PARK7: variants seen among roughly 807,000 people sequenced by gnomAD.
PARK7 encodes the protein Parkinson disease protein 7.
PARK7 carries 14 observed loss-of-function variants against 20.5 expected under a neutral mutation model. The observed-to-expected ratio is 0.68, with a 90% CI of 0.45 to 1.07. The LOEUF (loss-of-function observed/expected upper bound fraction) is 1.07, where lower values mean the gene tolerates loss of function less well. Ranked by LOEUF, PARK7 falls within the 50% of genes least tolerant of loss-of-function variation. The probability of loss-of-function intolerance (pLI) is 0.00; values close to 1 mark genes in which losing one functional copy is unlikely to be tolerated. For synonymous variants in PARK7, 98 were observed against 84.3 expected (o/e 1.16, Z -0.89); for missense variants, 234 against 238.1 (o/e 0.98, Z 0.11).
At chr1:7,977,195 G>A (rs1640602369) in intron 5 of PARK7, among the ~76,000 whole-genome samples, 1 of 152,138 alleles carries the variant, frequency 6.6e-6, no homozygotes, top group South Asian at 2.1e-4. Flanking sequence ...TGGTATATGT[G>A]GTCCCTGTTC....
At chr1:7,981,085 C>A (rs1640700142) in intron 6 of PARK7, among the ~76,000 whole-genome samples, 1 of 152,024 alleles carries the variant, frequency 6.6e-6, no homozygotes, top group Non-Finnish European at 1.5e-5. Context: ...CTCATTTGTC[C>A]ACTGTTTGAT....
intron 5 of PARK7, among the ~76,000 whole-genome samples, chr1:7,974,134 A>C (rs1440981852): frequency 9.3e-4 from 120 of 128,974 alleles, no homozygotes; most frequent in Middle Eastern, 4.1e-3. Context: ...ACATAGTGAG[A>C]CCCCCCCACC....
intron 6 of PARK7, among the ~76,000 whole-genome samples, chr1:7,978,839 CCTATCAAA>C (rs1640643550): frequency 8.4e-6 from 1 of 118,646 alleles, no homozygotes. Context: ...AAAGCAAGAC[CCTATCAAA>C]AAAAAAAAAA....
In PARK7 at chr1:7,984,837, C is replaced by T. The variant is rs768071553; in HGVS notation, c.410-57C>T. Reference sequence around the variant, plus strand: ...ATAGTGAATTTAATTGGTAAGTAATCGTCTTTCTCGTCACATAGCCCATTA... The same window carrying T: ...ATAGTGAATTTAATTGGTAAGTAATTGTCTTTCTCGTCACATAGCCCATTA... On this transcript the variant is annotated intron_variant, in intron 6 of 6. Transcript: ENST00000338639. This position sits in a 1 kb window ranked among gnomAD's most constrained non-coding sequence, Gnocchi z 4.3. 1.2e-5 allele frequency: 19 copies of T among 1,590,626 alleles called. 1 individual carries two copies. Among genetic ancestry groups the T allele is most frequent in the South Asian group, 1.1e-4 (10 of 90,326 alleles).
chr1:7,969,074 G>A (rs1489953156), intron 3 of PARK7: 3 of 390,280 alleles, frequency 7.7e-6, no homozygotes, highest in African/African-American at 6.1e-5. Flanking sequence ...ATATATCCTT[G>A]TCTTTTACAG....
chr1:7,970,875 T>C lies in PARK7; in HGVS notation c.253-19T>C. ...GGCTTAATGATAACTTTATGTATTT[T>C]TGGTTTTCTTTTCACTAGTCTGCTG... is the stretch of plus-strand genomic sequence containing the variant. On this transcript the variant is annotated intron_variant, in intron 4 of 6. Coordinates refer to ENST00000338639, the MANE Select transcript of PARK7 (RefSeq NM_007262.5). 1.2e-6 allele frequency: 2 copies of C among 1,613,920 alleles called. No homozygotes were observed. Among genetic ancestry groups the C allele is most frequent in the Non-Finnish European group, 1.7e-6 (2 of 1,179,796 alleles).
intron 5 of PARK7, among the ~76,000 whole-genome samples, chr1:7,974,238 CT>C (rs1640526879): frequency 6.6e-6 from 1 of 151,198 alleles, no homozygotes; most frequent in Non-Finnish European, 1.5e-5. Context: ...GGGAGGATCA[CT>C]TTGAGCCCAG....
intron 4 of PARK7, among the ~76,000 whole-genome samples, chr1:7,969,708 T>C (rs939558912): frequency 6.6e-6 from 1 of 151,998 alleles, no homozygotes; most frequent in Non-Finnish European, 1.5e-5. Flanking sequence ...AGCCTCTGAG[T>C]AGCTGGGATT....
intron 3 of PARK7, among the ~76,000 whole-genome samples, 168 bp downstream of exon 3, chr1:7,965,593 G>C (rs541412618): frequency 6.6e-6 from 1 of 152,316 alleles, no homozygotes; most frequent in Non-Finnish European, 1.5e-5. Context: ...TGTATCTGTA[G>C]AATGTGGCAA....
At chr1:7,980,464 C>T (rs544560860) in intron 6 of PARK7, among the ~76,000 whole-genome samples, 21 of 152,208 alleles carry the variant, frequency 1.4e-4, no homozygotes, top group African/African-American at 4.3e-4. Context: ...TTACAAAGCA[C>T]GTTCCCGTAC....
In PARK7 at chr1:7,984,806, G is replaced by A; in HGVS notation, c.410-88G>A. ...GTTAGCTACAGTGTTGGGTTTATAT[G>A]CTGTAATAGTGAATTTAATTGGTAA... On this transcript the variant is annotated intron_variant, in intron 6 of 6. Coordinates refer to ENST00000338639, the MANE Select transcript of PARK7 (RefSeq NM_007262.5). This position sits in a 1 kb window ranked among gnomAD's most constrained non-coding sequence, Gnocchi z 4.3. 9 of 1,494,046 alleles carry A rather than the reference G, an allele frequency of 6.0e-6. No individual in the cohort carries two copies. Among genetic ancestry groups the A allele is most frequent in the Non-Finnish European group, 8.4e-6 (9 of 1,076,538 alleles). 92.5% of individuals were successfully genotyped at this position (1,494,046 alleles called of 1,614,324 possible). A position where few individuals can be genotyped will look rare whatever the true frequency, so the allele number is the denominator to read the frequency against.
In PARK7 at chr1:7,967,048, A is replaced by G. The variant is rs141015228; in HGVS notation, c.192+1623A>G. On this transcript the variant is annotated intron_variant, in intron 3 of 6. Transcript: ENST00000338639. ...AGCTATAATTTTGTATCTTTTAACAAATCTCTCCCTATCCCCACTTTCTCC... is the reference window on the plus strand; with the variant it reads ...AGCTATAATTTTGTATCTTTTAACAGATCTCTCCCTATCCCCACTTTCTCC... Among the ~76,000 whole-genome samples the G allele has an allele frequency of 2.1e-3, 314 of 152,248 alleles. 3 individuals are homozygous for G. The highest frequency in any genetic ancestry group is 6.9e-3 in the African/African-American group (288 of 41,530).
At chr1:7,982,650 C>T (rs1450545340) in intron 6 of PARK7, among the ~76,000 whole-genome samples, 1 of 152,198 alleles carries the variant, frequency 6.6e-6, no homozygotes, top group Non-Finnish European at 1.5e-5. Context: ...CGCGTTGTCC[C>T]ACTCTCAGCT....
intron 5 of PARK7, among the ~76,000 whole-genome samples, chr1:7,976,819 C>A (rs1640592915): frequency 6.6e-6 from 1 of 152,208 alleles, no homozygotes; most frequent in Admixed American, 6.5e-5. Flanking sequence ...CTCCCGGGTT[C>A]ACCCCATTCT....
intron 3 of PARK7, among the ~76,000 whole-genome samples, chr1:7,967,626 A>G (rs1307073616): frequency 6.6e-6 from 1 of 152,188 alleles, no homozygotes; most frequent in African/African-American, 2.4e-5. Flanking sequence ...ATGGTCTTAA[A>G]AGTGATTCTA....
rs751547694 is a variant in PARK7 at position 7,977,755 on chromosome 1, TTTTGTTTG to T, written c.409+29_409+36del. On this transcript the variant is annotated intron_variant, in intron 6 of 6. Transcript: ENST00000338639. ...TGAATGGAGGTAAGTATATGCTTGT[TTTTGTTTG>T]TTTGTTTGTTTTTTGAGATGGAGTC... The T allele has an allele frequency of 6.2e-7, 1 of 1,608,132 alleles. No homozygotes were observed. The highest frequency in any genetic ancestry group is 1.7e-4 in the Middle Eastern group (1 of 6,046).
Position 7,984,876 on chromosome 1 carries a change from T to C in PARK7, c.410-18T>C, listed in dbSNP as rs777894956. On this transcript the variant is annotated intron_variant, in intron 6 of 6. Coordinates refer to ENST00000338639, the MANE Select transcript of PARK7 (RefSeq NM_007262.5). This position sits in a 1 kb window ranked among gnomAD's most constrained non-coding sequence, Gnocchi z 4.3. ...CATAGCCCATTAGGATGTCACCTTT[T>C]CTGTTTCTACTTTGCAGGTCATTAC... is the stretch of plus-strand genomic sequence containing the variant. The C allele has an allele frequency of 6.2e-7, 1 of 1,614,064 alleles. No homozygotes were observed. The highest frequency in any genetic ancestry group is 8.5e-7 in the Non-Finnish European group (1 of 1,179,946).
intron 4 of PARK7, among the ~76,000 whole-genome samples, chr1:7,970,424 C>T (rs2151432043): frequency 1.3e-5 from 2 of 152,232 alleles, no homozygotes; most frequent in Middle Eastern, 6.8e-3. Flanking sequence ...CAGCAGAGAC[C>T]ATTGTTCCTC....
At chr1:7,977,017 G>T (rs1297929998) in intron 5 of PARK7, among the ~76,000 whole-genome samples, 1 of 152,180 alleles carries the variant, frequency 6.6e-6, no homozygotes, top group Non-Finnish European at 1.5e-5. Context: ...ACCGTGCCCG[G>T]CCTAATTTCC....
Sources: allele counts gnomAD v4.1 joint callset (sites outside exome capture counted in the v4.1 genomes callset), GRCh38; gene constraint gnomAD v4.1.1; non-coding constraint Gnocchi (gnomAD v3.1); transcripts MANE v1.5; gene names NCBI Gene and HGNC (gene_info 2026-07-23, HGNC 2026-07-21).